Variants in KCNT2 observed in about 807,000 individuals in gnomAD.
The protein encoded by KCNT2 is potassium sodium-activated channel subfamily T member 2.
In KCNT2, 67 loss-of-function variants were observed where a neutral mutation model predicts 153.8. That is an observed-to-expected ratio of 0.44 (90% CI 0.36 to 0.53). The LOEUF is 0.53. Among genes scored for constraint, KCNT2 ranks in the 20% least tolerant of loss-of-function variants. KCNT2 has a pLI of 0.00. For synonymous variants in KCNT2, 500 were observed against 458.8 expected (o/e 1.09, Z -1.15); for missense variants, 975 against 1,354.8 (o/e 0.72, Z 4.40).
intron 23 of KCNT2, among the ~76,000 whole-genome samples, chr1:196,283,509 C>T (rs1659324101): frequency 6.6e-6 from 1 of 152,028 alleles, no homozygotes; most frequent in African/African-American, 2.4e-5. Flanking sequence ...TTGCATTTCC[C>T]TGGGGTGACA....
intron 14 of KCNT2, among the ~76,000 whole-genome samples, chr1:196,354,443 T>G (rs571769512): frequency 6.6e-6 from 1 of 151,772 alleles, no homozygotes; most frequent in Admixed American, 6.6e-5. Context: ...TATCTTTGCA[T>G]CAATGGGAAT....
chr1:196,469,293 AC>A lies in KCNT2; in HGVS notation c.385-226del, dbSNP rs573981768. On this transcript the variant is annotated intron_variant, in intron 5 of 27. Transcript: ENST00000294725. The stretch of plus-strand genomic sequence containing the variant: ...AGAAGTAAAACAAATGTTTGTAGAA[AC>A]CAGGAATATTGCACATAACATTTTT... Among the ~76,000 whole-genome samples the A allele has an allele frequency of 2.4e-3, 369 of 152,310 alleles. 2 individuals are homozygous for A. The highest frequency in any genetic ancestry group is 8.3e-3 in the African/African-American group (346 of 41,584).
At chr1:196,567,741 G>GAA (rs1660282238) in intron 1 of KCNT2, among the ~76,000 whole-genome samples, 2 of 152,188 alleles carry the variant, frequency 1.3e-5, no homozygotes, top group Non-Finnish European at 2.9e-5. Flanking sequence ...GGACGGCTGA[G>GAA]GAGAGAAGAG....
intron 1 of KCNT2, among the ~76,000 whole-genome samples, chr1:196,550,896 A>T (rs1342910947): frequency 6.6e-6 from 1 of 151,870 alleles, no homozygotes; most frequent in African/African-American, 2.4e-5. Flanking sequence ...CAATGTTGGG[A>T]GATTACATTC....
intron 12 of KCNT2, among the ~76,000 whole-genome samples, chr1:196,398,906 T>A (rs541318892): frequency 6.6e-6 from 1 of 151,518 alleles, no homozygotes; most frequent in Non-Finnish European, 1.5e-5. Flanking sequence ...AGAGAAAAAA[T>A]AGCTAGACAG....
rs67709356 is a variant in KCNT2 at position 196,379,565 on chromosome 1, T to TTCTCTCTCTCTC, written c.1295-6329_1295-6318dup. On this transcript the variant is annotated intron_variant, in intron 13 of 27. Transcript: ENST00000294725. The stretch of plus-strand genomic sequence containing the variant: ...CCAGCCTAGGTAATACAGTGAGACT[T>TTCTCTCTCTCTC]TCTCTCTCTCTCTCTCTCTCTCTCT... Among the ~76,000 whole-genome samples the TTCTCTCTCTCTC allele has an allele frequency of 1.7e-3, 226 of 136,230 alleles. 3 individuals are homozygous for TTCTCTCTCTCTC. The highest frequency in any genetic ancestry group is 3.9e-3 in the African/African-American group (141 of 36,570). 89.4% of individuals were successfully genotyped at this position (136,230 alleles called of 152,430 possible). A position where few individuals can be genotyped will look rare whatever the true frequency, so the allele number is the denominator to read the frequency against.
chr1:196,547,857 A>G (rs529890605), intron 1 of KCNT2, among the ~76,000 whole-genome samples: 25 of 151,994 alleles, frequency 1.6e-4, no homozygotes, highest in African/African-American at 5.8e-4. Context: ...TCATAAAATT[A>G]TAGATTAGAA....
chr1:196,439,794 C>T lies in KCNT2; in HGVS notation c.639-10037G>A, dbSNP rs148558881. On this transcript the variant is annotated intron_variant, in intron 8 of 27. Transcript: ENST00000294725. ...AACTTGTTTACAGTTCTAATCTTTT[C>T]AGTTCCAAAACAATAGTAATATGGA... 2.2e-3 allele frequency among the ~76,000 whole-genome samples: 334 copies of T among 151,964 alleles called. 2 individuals are homozygous for T. The highest frequency in any genetic ancestry group is 7.6e-3 in the African/African-American group (315 of 41,486).
chr1:196,325,893 C>T (rs61820885), intron 19 of KCNT2, among the ~76,000 whole-genome samples: 278 of 152,166 alleles, frequency 1.8e-3, no homozygotes, highest in Middle Eastern at 6.8e-3. Flanking sequence ...AGATGTCTCT[C>T]TTATGAAAAA....
At chr1:196,242,147 T>C (rs888949403) in intron 26 of KCNT2, among the ~76,000 whole-genome samples, 1 of 152,220 alleles carries the variant, frequency 6.6e-6, no homozygotes, top group Non-Finnish European at 1.5e-5. Context: ...AATACTATGA[T>C]TACAGCTATT....
At chr1:196,473,181 A>G (rs190754512) in intron 5 of KCNT2, among the ~76,000 whole-genome samples, 3 of 152,182 alleles carry the variant, frequency 2.0e-5, no homozygotes, top group Admixed American at 2.0e-4. Flanking sequence ...GTTAACTCAT[A>G]CCTGCCTTTC....
intron 6 of KCNT2, 44 bp from the exon 7 acceptor site, chr1:196,467,830 A>T (rs1356958950): frequency 8.3e-7 from 1 of 1,208,760 alleles, no homozygotes; most frequent in Admixed American, 1.8e-5. Context: ...ATCTCAAAGC[A>T]ATAAACCATA....
intron 13 of KCNT2, among the ~76,000 whole-genome samples, chr1:196,391,047 G>A (rs1314064353): frequency 6.6e-6 from 1 of 151,204 alleles, no homozygotes; most frequent in Non-Finnish European, 1.5e-5. Flanking sequence ...TATACAGTGA[G>A]ACTAGAGCAT....
At chr1:196,366,448 C>A (rs1238459647) in intron 14 of KCNT2, among the ~76,000 whole-genome samples, 3 of 152,086 alleles carry the variant, frequency 2.0e-5, no homozygotes, top group Non-Finnish European at 4.4e-5. Flanking sequence ...CGTGAGCCAC[C>A]ACACCCGGCT....
intron 17 of KCNT2, 26 bp from the exon 18 acceptor site, chr1:196,331,287 C>A: frequency 8.4e-7 from 1 of 1,186,076 alleles, no homozygotes; most frequent in Non-Finnish European, 1.3e-6. Flanking sequence ...AAATATTACC[C>A]TTGGATAAGG....
At chr1:196,421,848 C>T (rs531152640) in intron 12 of KCNT2, among the ~76,000 whole-genome samples, 2 of 152,082 alleles carry the variant, frequency 1.3e-5, no homozygotes, top group Admixed American at 6.6e-5. Flanking sequence ...AGGATCTGTT[C>T]CAGACCTCTC....
chr1:196,473,899 T>C (rs1678304423), intron 5 of KCNT2, among the ~76,000 whole-genome samples: 1 of 152,108 alleles, frequency 6.6e-6, no homozygotes, highest in African/African-American at 2.4e-5. Context: ...ACAATGCCTT[T>C]CAAAATTGTA....
At chr1:196,572,214 G>C (rs763942140) in intron 1 of KCNT2, among the ~76,000 whole-genome samples, 2 of 152,062 alleles carry the variant, frequency 1.3e-5, no homozygotes, top group Non-Finnish European at 2.9e-5. Context: ...GCCAGTTCAA[G>C]TTTTGGATTC....
At chr1:196,529,188 C>A (rs907246713) in intron 1 of KCNT2, among the ~76,000 whole-genome samples, 2 of 151,866 alleles carry the variant, frequency 1.3e-5, no homozygotes, top group African/African-American at 4.8e-5. Context: ...GAGAGTTTTC[C>A]GAAATGTGTG....
Sources: gnomAD v4.1 joint callset for allele counts (sites outside exome capture counted in the v4.1 genomes callset) on GRCh38, gnomAD v4.1.1 for gene constraint, MANE v1.5 for transcripts, NCBI Gene and HGNC (gene_info 2026-07-23, HGNC 2026-07-21) for gene names.